Variants in LEF1 observed in about 807,000 individuals in gnomAD.
The protein encoded by LEF1 is lymphoid enhancer-binding factor 1.
Under a neutral mutation model 51.2 loss-of-function variants are expected in LEF1, and 14 were observed. That is an observed-to-expected ratio of 0.27 (90% confidence interval 0.18 to 0.43). The LOEUF is 0.43. Among genes scored for constraint, LEF1 ranks in the 20% least tolerant of loss-of-function variants. The pLI, the probability that LEF1 is intolerant of heterozygous loss-of-function variation, is 1.00. For missense variants in LEF1, 386 were observed against 512.0 expected, an observed-to-expected ratio of 0.75 and a Z score of 2.37; for synonymous variants, 185 against 183.2, an observed-to-expected ratio of 1.01 and a Z score of -0.08.
At position 108,070,552 on chromosome 4, in the gene LEF1, C is replaced by T. The variant is rs1044924335; in HGVS notation, c.1116+111G>A. 1.6e-5 allele frequency: 10 copies of T among 611,008 alleles called. No individual in the cohort carries two copies. In the African/African-American group the frequency reaches 1.7e-4, roughly 10 times the overall value. 37.8% of individuals were successfully genotyped at this position (611,008 alleles called of 1,614,324 possible). ...CCTTATTACAAAGTTCATTAACTTC[C>T]AAAAAATAAGTAGTACCAGCATTAT... On this transcript the variant is annotated intron_variant, in intron 9 of 11. Coordinates refer to ENST00000265165, the MANE Select transcript of LEF1 (RefSeq NM_016269.5).
At chr4:108,070,001 C>T (rs1738354360) in intron 9 of LEF1, among the ~76,000 whole-genome samples, 3 of 151,346 alleles carry the variant, frequency 2.0e-5, no homozygotes, top group African/African-American at 7.3e-5. Flanking sequence ...CATTTATATC[C>T]TTTACCTCCA....
At chr4:108,145,190 C>T (rs1203254955) in intron 3 of LEF1, among the ~76,000 whole-genome samples, 1 of 152,106 alleles carries the variant, frequency 6.6e-6, no homozygotes, top group Non-Finnish European at 1.5e-5. Context: ...CTGGGGCCCC[C>T]GTTTGCTCTG....
intron 3 of LEF1, among the ~76,000 whole-genome samples, chr4:108,105,181 C>CTTT (rs5860896): frequency 2.1e-4 from 27 of 131,356 alleles, no homozygotes; most frequent in South Asian, 2.5e-4. Context: ...GAAGAATCCA[C>CTTT]TTTTTTTTTT....
Position 108,081,626 on chromosome 4 carries a change from G to A in LEF1, c.682C>T (p.Pro228Ser), listed in dbSNP as rs1739316488. ...VYPITGGFRQ[P>S]YPSSLSVDTS... ...TCGACTGACAGTGAGGATGGGTAGG[G>A]TTGCCTGAATCCACCCGTGATGGGA... is the stretch of plus-strand genomic sequence containing the variant. Residue 228 changes from proline to serine, a missense_variant, in exon 6 of 12, where the codon CCC (proline) becomes TCC (serine). Pro to Ser is a moderately conservative substitution (Grantham distance 74). Around this residue, in one of 2 missense-constraint regions of LEF1, gnomAD observed 335 missense variants for 390.7 expected, o/e 0.86. Transcript: ENST00000265165. 6.2e-7 allele frequency: 1 copy of A among 1,613,988 alleles called. No homozygotes were observed. The highest frequency in any genetic ancestry group is 1.3e-5 in the African/African-American group (1 of 74,890).
intron 3 of LEF1, among the ~76,000 whole-genome samples, chr4:108,104,174 T>C (rs74446639): frequency 0.041 from 6,184 of 152,072 alleles, 389 homozygotes; most frequent in African/African-American, 0.14. Context: ...ATGATATGTA[T>C]ATGTATATGT....
intron 3 of LEF1, among the ~76,000 whole-genome samples, chr4:108,136,524 A>G (rs1161347473): frequency 6.7e-6 from 1 of 148,676 alleles, no homozygotes; most frequent in Non-Finnish European, 1.5e-5. Flanking sequence ...TAACAATTCC[A>G]GGTTTGGATA....
At position 108,105,347 on chromosome 4, in the gene LEF1, A is replaced by C. The variant is rs186978804; in HGVS notation, c.415-16090T>G. Among the ~76,000 whole-genome samples the C allele has an allele frequency of 3.5e-3, 531 of 151,906 alleles. 2 individuals carry two copies. Among genetic ancestry groups the C allele is most frequent in the African/African-American group, 0.012 (506 of 41,420 alleles). Reference sequence around the variant, plus strand: ...AGACGTGTGCCACCACACCCGGCTAATTTTTGTATTTTTAGTAGAGACGGA... The same window carrying C: ...AGACGTGTGCCACCACACCCGGCTACTTTTTGTATTTTTAGTAGAGACGGA... On this transcript the variant is annotated intron_variant, in intron 3 of 11. Coordinates refer to ENST00000265165, the MANE Select transcript of LEF1 (RefSeq NM_016269.5).
intron 3 of LEF1, among the ~76,000 whole-genome samples, chr4:108,112,597 A>G (rs1193095063): frequency 2.0e-5 from 3 of 152,222 alleles, no homozygotes; most frequent in Admixed American, 2.0e-4. Context: ...AAGGATCATG[A>G]TGACAGTACC....
intron 8 of LEF1, among the ~76,000 whole-genome samples, chr4:108,071,449 T>C (rs1307998523): frequency 6.6e-6 from 1 of 151,888 alleles, no homozygotes; most frequent in Non-Finnish European, 1.5e-5. Context: ...CACGGGGCAT[T>C]ATTTAAGTTT....
chr4:108,084,408 A>G (rs1258335283), intron 4 of LEF1, among the ~76,000 whole-genome samples: 1 of 152,242 alleles, frequency 6.6e-6, no homozygotes, highest in African/African-American at 2.4e-5. Flanking sequence ...TAGTGACTGT[A>G]AATATTATAT....
In LEF1 at chr4:108,096,169, G is replaced by A. The variant is rs191052178; in HGVS notation, c.415-6912C>T. On this transcript the variant is annotated intron_variant, in intron 3 of 11. Transcript: ENST00000265165. ...GTAAGGCATTACAGTGGTTGATTCA[G>A]AGGTCAAATAGAGGGATGGGGCATA... 1.8e-4 allele frequency among the ~76,000 whole-genome samples: 27 copies of A among 152,250 alleles called. No individual in the cohort carries two copies. In the East Asian group the frequency reaches 5.0e-3, roughly 28 times the overall value.
chr4:108,048,616 T>G lies in LEF1; in HGVS notation c.*142A>C. On this transcript the variant is annotated 3_prime_UTR_variant, in exon 12 of 12. Transcript: ENST00000265165. ...TCTAGCAGTGACCTCAGGGTAAAAT[T>G]GATGTCAGTGTTCCTTTGGGGTCGA... The G allele has an allele frequency of 8.5e-7, 1 of 1,174,818 alleles. No individual in the cohort carries two copies. Among genetic ancestry groups the G allele is most frequent in the African/African-American group, 1.5e-5 (1 of 65,430 alleles). The allele number at this position is 1,174,818 out of a possible 1,614,324, so 72.8% of individuals were successfully genotyped here. A position where few individuals can be genotyped will look rare whatever the true frequency, so the allele number is the denominator to read the frequency against.
At chr4:108,069,542 GA>G (rs1269013708) in intron 9 of LEF1, among the ~76,000 whole-genome samples, 1 of 152,086 alleles carries the variant, frequency 6.6e-6, no homozygotes, top group African/African-American at 2.4e-5. Context: ...ACGATAACAT[GA>G]AAAAAGATTT....
intron 9 of LEF1, among the ~76,000 whole-genome samples, chr4:108,066,117 G>A (rs867375967): frequency 6.6e-6 from 1 of 152,126 alleles, no homozygotes; most frequent in African/African-American, 2.4e-5. Flanking sequence ...TGGCCAGGCT[G>A]GCCTTGAACT....
chr4:108,050,960 T>C (rs1426317024), intron 11 of LEF1, among the ~76,000 whole-genome samples: 3 of 152,204 alleles, frequency 2.0e-5, no homozygotes, highest in Admixed American at 6.5e-5. Context: ...GTCCCTTCAC[T>C]GCCTTACCTA....
Position 108,167,774 on chromosome 4 carries a change from G to A in LEF1, c.-7C>T, listed in dbSNP as rs1258232972. On this transcript the variant is annotated 5_prime_UTR_variant, in exon 1 of 12. Transcript: ENST00000265165. The surrounding 1 kb of genome is among the most constrained non-coding windows in gnomAD (Gnocchi z 5.7). Reference sequence around the variant, plus strand: ...CTCCGGAGAGTTGGGGCATCCCGGCGGCTCTGTAATCTCCGCTCCGCTGTG... The same window carrying A: ...CTCCGGAGAGTTGGGGCATCCCGGCAGCTCTGTAATCTCCGCTCCGCTGTG... The A allele has an allele frequency of 1.9e-6, 3 of 1,610,638 alleles. No homozygotes were observed. The highest frequency in any genetic ancestry group is 1.7e-6 in the Non-Finnish European group (2 of 1,179,586).
chr4:108,156,741 AG>A (rs1314646213), intron 3 of LEF1, among the ~76,000 whole-genome samples: 3 of 152,180 alleles, frequency 2.0e-5, no homozygotes, highest in Non-Finnish European at 2.9e-5. Context: ...GGATTAAAAA[AG>A]ATTTATAAAA....
At chr4:108,094,407 C>G (rs765816213) in intron 3 of LEF1, among the ~76,000 whole-genome samples, 1 of 152,192 alleles carries the variant, frequency 6.6e-6, no homozygotes, top group Non-Finnish European at 1.5e-5. Context: ...CCTGTGGACA[C>G]GAAGTGGGTG....
In LEF1 at chr4:108,163,422, C is replaced by T. The variant is rs1469584559; in HGVS notation, c.414+146G>A. 3 of 790,058 alleles carry T rather than the reference C, an allele frequency of 3.8e-6. No homozygotes were observed. In the East Asian group the frequency reaches 7.9e-5, roughly 21 times the overall value. 48.9% of individuals were successfully genotyped at this position (790,058 alleles called of 1,614,324 possible). A position where few individuals can be genotyped will look rare whatever the true frequency, so the allele number is the denominator to read the frequency against. On this transcript the variant is annotated intron_variant, in intron 3 of 11. Transcript: ENST00000265165. ...AAAGGTAGCACTGTTTTAAGGTGGC[C>T]ATTCCTCATAACAGCTCTTATTTAG...
Sources: allele counts gnomAD v4.1 joint callset (sites outside exome capture counted in the v4.1 genomes callset), GRCh38; gene constraint gnomAD v4.1.1; regional missense constraint gnomAD v4.1.1; non-coding constraint Gnocchi (gnomAD v3.1); transcripts MANE v1.5; gene names NCBI Gene and HGNC (gene_info 2026-07-23, HGNC 2026-07-21).